Variants in KYAT3 observed in about 807,000 individuals in gnomAD.
The protein encoded by KYAT3 is kynurenine--oxoglutarate transaminase 3.
In KYAT3, 50 loss-of-function variants were observed where a neutral mutation model predicts 59.0. The observed-to-expected ratio is 0.85, with a 90% CI of 0.68 to 1.07. The LOEUF (loss-of-function observed/expected upper bound fraction) is 1.07, where lower values mean the gene tolerates loss of function less well. Among genes scored for constraint, KYAT3 ranks in the 50% least tolerant of loss-of-function variants. The probability of loss-of-function intolerance (pLI) is 0.00; values close to 1 mark genes in which losing one functional copy is unlikely to be tolerated. For synonymous variants in KYAT3, 148 were observed against 177.0 expected (o/e 0.84, Z 1.30); for missense variants, 497 against 533.3 (o/e 0.93, Z 0.67).
the KYAT3 span, among the ~76,000 whole-genome samples, chr1:88,921,945 C>CA: frequency 6.6e-6 from 1 of 152,160 alleles, no homozygotes; most frequent in African/African-American, 2.4e-5. Context: ...TTAATCTCAT[C>CA]AAAAAACGTC....
chr1:88,965,916 A>G (rs1163242764), intron 4 of KYAT3, among the ~76,000 whole-genome samples: 1 of 152,206 alleles, frequency 6.6e-6, no homozygotes, highest in Non-Finnish European at 1.5e-5. Flanking sequence ...TAGCAAGAGG[A>G]GATCTGAAAA....
At chr1:88,943,777 A>G (rs1053678710) in intron 11 of KYAT3, among the ~76,000 whole-genome samples, 1 of 152,222 alleles carries the variant, frequency 6.6e-6, no homozygotes, top group African/African-American at 2.4e-5. Context: ...AATAACTGCT[A>G]AATTTTTAAG....
At chr1:88,983,077 A>C in intron 2 of KYAT3, 1 of 1,612,484 alleles carries the variant, frequency 6.2e-7, no homozygotes, top group Non-Finnish European at 8.5e-7. Context: ...CATCACGTGA[A>C]CTGGAATGAC....
downstream of KYAT3, among the ~76,000 whole-genome samples, chr1:88,931,628 T>G (rs1034781230): frequency 3.9e-5 from 6 of 152,154 alleles, no homozygotes; most frequent in African/African-American, 1.4e-4. Context: ...TAAGGCTAGC[T>G]GGGAAGGTGA....
At chr1:88,972,966 C>T (rs374568309) in intron 2 of KYAT3, among the ~76,000 whole-genome samples, 6 of 152,146 alleles carry the variant, frequency 3.9e-5, no homozygotes, top group Admixed American at 1.3e-4. Context: ...CCAGTTCCTC[C>T]GGATGTAATC....
chr1:88,952,720 C>T (rs1409152), intron 10 of KYAT3, among the ~76,000 whole-genome samples: 64,014 of 151,970 alleles, frequency 0.42, 14,309 homozygotes, highest in Non-Finnish European at 0.5. Flanking sequence ...AGTGCAAGAA[C>T]GGACTAAAAC....
intron 10 of KYAT3, among the ~76,000 whole-genome samples, chr1:88,951,297 C>T (rs1285559934): frequency 2.0e-5 from 3 of 151,228 alleles, no homozygotes; most frequent in Non-Finnish European, 2.9e-5. Flanking sequence ...TGTAGTGACA[C>T]GATCTCAGCT....
At chr1:88,938,005 C>T (rs1675102030) in intron 13 of KYAT3, among the ~76,000 whole-genome samples, 1 of 152,054 alleles carries the variant, frequency 6.6e-6, no homozygotes, top group African/African-American at 2.4e-5. Context: ...CAATGAATGA[C>T]ATTTAAATCA....
At chr1:88,959,497 C>A (rs537485339) in intron 8 of KYAT3, among the ~76,000 whole-genome samples, 1 of 146,260 alleles carries the variant, frequency 6.8e-6, no homozygotes, top group South Asian at 2.2e-4. Flanking sequence ...TGTTGGAATC[C>A]AGGAGGCAGA....
Position 88,935,882 on chromosome 1 carries a change from T to TA in KYAT3, c.*300dup, listed in dbSNP as rs2101007055. ...ATGAAACAGGTACTGATTTTATTCC[T>TA]ATTTTATAATGAGAGAACCGAGTTA... On this transcript the variant is annotated 3_prime_UTR_variant, in exon 14 of 14. Transcript: ENST00000260508. The TA allele has an allele frequency of 2.4e-6, 1 of 413,536 alleles. No homozygotes were observed. Among genetic ancestry groups the TA allele is most frequent in the South Asian group, 1.1e-4 (1 of 9,164 alleles). The allele number at this position is 413,536 out of a possible 1,614,324, so 25.6% of individuals were successfully genotyped here.
chr1:88,925,337 C>A, the KYAT3 span, among the ~76,000 whole-genome samples: 2 of 152,216 alleles, frequency 1.3e-5, no homozygotes, highest in Non-Finnish European at 2.9e-5. Context: ...GGGTCCCGAC[C>A]ACGACTTTCT....
Position 88,939,179 on chromosome 1 carries a change from A to G in KYAT3, c.1303-2934T>C, listed in dbSNP as rs1429137627. 3.9e-5 allele frequency among the ~76,000 whole-genome samples: 6 copies of G among 152,254 alleles called. 1 individual carries two copies. In the South Asian group the frequency reaches 6.2e-4, roughly 16 times the overall value. On this transcript the variant is annotated intron_variant, in intron 13 of 13. Transcript: ENST00000260508. The stretch of plus-strand genomic sequence containing the variant: ...CTATGAAATAAGTTTGACAACTTTT[A>G]TAAGTTTAACAACTACTAAGGATCT...
chr1:88,947,660 C>T lies in KYAT3; in HGVS notation c.1141+1431G>A, dbSNP rs142612393. 2.0e-3 allele frequency among the ~76,000 whole-genome samples: 304 copies of T among 152,332 alleles called. 2 individuals carry two copies. The highest frequency in any genetic ancestry group is 6.9e-3 in the African/African-American group (286 of 41,572). On this transcript the variant is annotated intron_variant, in intron 11 of 13. Coordinates refer to ENST00000260508, the MANE Select transcript of KYAT3 (RefSeq NM_001008661.3). Reference sequence around the variant, plus strand: ...CCCCTGGAGCCCCATCAGGGAACAGCTAGAGTTTACAGCCACTTTCCAGAG... The same window carrying T: ...CCCCTGGAGCCCCATCAGGGAACAGTTAGAGTTTACAGCCACTTTCCAGAG...
chr1:88,964,728 A>G (rs1344652115), intron 5 of KYAT3, 101 bp downstream of exon 5: 1 of 946,156 alleles, frequency 1.1e-6, no homozygotes, highest in Non-Finnish European at 1.6e-6. Flanking sequence ...AACATAATTA[A>G]AAATAAAAAG....
intron 1 of KYAT3, among the ~76,000 whole-genome samples, chr1:88,990,931 T>C (rs1180384860): frequency 5.3e-5 from 8 of 152,232 alleles, no homozygotes; most frequent in African/African-American, 1.4e-4. Context: ...AAAAGGTATA[T>C]GGCTTTTAAT....
intron 11 of KYAT3, among the ~76,000 whole-genome samples, chr1:88,945,957 A>G (rs1158309457): frequency 1.3e-5 from 2 of 152,198 alleles, no homozygotes; most frequent in African/African-American, 4.8e-5. Context: ...TTTTGCTCCT[A>G]TTATCACCAC....
chr1:88,943,066 G>T lies in KYAT3; in HGVS notation c.1241C>A (p.Ala414Glu). 2 of 1,612,436 alleles carry T rather than the reference G, an allele frequency of 1.2e-6. No individual in the cohort carries two copies. Residue 414 changes from alanine to glutamate, a missense_variant, in exon 13 of 14, where the codon GCA (alanine) becomes GAA (glutamate). Around this residue, in one of 2 missense-constraint regions of KYAT3, gnomAD observed 28 missense variants for 54.2 expected, o/e 0.52. Transcript: ENST00000260508. ...TGATTTAGTCTCTGAGTTACAGAAT[G>T]CTGAAACGGGGATGGCTGATAGTTT... ...HKKLSAIPVS[A>E]FCNSETKSQF...
downstream of KYAT3, among the ~76,000 whole-genome samples, chr1:88,931,524 T>C (rs1005552748): frequency 6.6e-6 from 1 of 152,042 alleles, no homozygotes; most frequent in Non-Finnish European, 1.5e-5. Context: ...GAGTGGTTGT[T>C]GGCCAACCTC....
At chr1:88,983,678 C>T (rs1677244073) in intron 2 of KYAT3, 1 of 1,613,820 alleles carries the variant, frequency 6.2e-7, no homozygotes. Context: ...AAAAGCAAAT[C>T]CTCTTGATTT....
Sources: allele counts gnomAD v4.1 joint callset (sites outside exome capture counted in the v4.1 genomes callset), GRCh38; gene constraint gnomAD v4.1.1; regional missense constraint gnomAD v4.1.1; transcripts MANE v1.5; gene names NCBI Gene and HGNC (gene_info 2026-07-23, HGNC 2026-07-21).